ERP44: variants seen among roughly 807,000 people sequenced by gnomAD.
ERP44 encodes the protein endoplasmic reticulum resident protein 44.
Under a neutral mutation model 53.4 loss-of-function variants are expected in ERP44, and 25 were observed. The observed-to-expected ratio is 0.47, with a 90% CI of 0.34 to 0.65. ERP44 has a LOEUF of 0.65. Among genes scored for constraint, ERP44 ranks in the 30% least tolerant of loss-of-function variants. The pLI is 0.01. For synonymous variants in ERP44, 145 were observed against 161.2 expected (o/e 0.90, Z 0.76); for missense variants, 338 against 493.2 (o/e 0.69, Z 2.98).
chr9:100,093,559 A>C (rs1455677625), intron 1 of ERP44, among the ~76,000 whole-genome samples: 2 of 152,074 alleles, frequency 1.3e-5, no homozygotes, highest in Non-Finnish European at 1.5e-5. Flanking sequence ...TGGGAGCATC[A>C]CGTGACCTGG....
At chr9:100,087,269 C>T (rs1212967128) in intron 1 of ERP44, among the ~76,000 whole-genome samples, 1 of 151,998 alleles carries the variant, frequency 6.6e-6, no homozygotes, top group African/African-American at 2.4e-5. Context: ...AAGCTGATAA[C>T]TTATTCACTT....
chr9:100,036,897 T>TA (rs1263169441), intron 4 of ERP44, among the ~76,000 whole-genome samples: 3 of 151,326 alleles, frequency 2.0e-5, no homozygotes, highest in East Asian at 2.0e-4. Context: ...CTTAACAGAT[T>TA]AAAAAAAATT....
intron 2 of ERP44, among the ~76,000 whole-genome samples, chr9:100,059,894 TG>T: frequency 6.6e-6 from 1 of 152,214 alleles, no homozygotes; most frequent in East Asian, 1.9e-4. Context: ...TTGTTAAGAA[TG>T]GTATCTATAT....
chr9:100,095,736 T>C (rs1324566668), intron 1 of ERP44, among the ~76,000 whole-genome samples: 1 of 152,170 alleles, frequency 6.6e-6, no homozygotes, highest in Non-Finnish European at 1.5e-5. Flanking sequence ...ACTATTGATC[T>C]AGGGTAAGTT....
intron 11 of ERP44, among the ~76,000 whole-genome samples, chr9:99,983,958 C>T (rs565999552): frequency 2.6e-5 from 4 of 152,244 alleles, no homozygotes; most frequent in South Asian, 2.1e-4. Flanking sequence ...AATACAATAA[C>T]GGTAAATGAC....
chr9:99,987,429 T>G (rs1248833016), intron 10 of ERP44, among the ~76,000 whole-genome samples: 1 of 152,262 alleles, frequency 6.6e-6, no homozygotes, highest in South Asian at 2.1e-4. Flanking sequence ...AGTTACTTTT[T>G]TGTTTATTTA....
chr9:100,021,302 C>T (rs948526273), intron 5 of ERP44, among the ~76,000 whole-genome samples: 24 of 152,218 alleles, frequency 1.6e-4, no homozygotes, highest in Non-Finnish European at 3.5e-4. Flanking sequence ...TGTGACATAA[C>T]CCAGTGCATG....
intron 1 of ERP44, among the ~76,000 whole-genome samples, chr9:100,075,753 A>C (rs1826348465): frequency 6.6e-6 from 1 of 152,228 alleles, no homozygotes; most frequent in South Asian, 2.1e-4. Context: ...AACAGGCACA[A>C]CACCTAGTGG....
chr9:100,093,355 C>T (rs1360112512), intron 1 of ERP44, among the ~76,000 whole-genome samples: 1 of 152,198 alleles, frequency 6.6e-6, no homozygotes, highest in East Asian at 1.9e-4. Context: ...GTTAAGAACT[C>T]TGTGTGGGCT....
At chr9:100,064,707 T>C (rs979673884) in intron 1 of ERP44, among the ~76,000 whole-genome samples, 1 of 152,212 alleles carries the variant, frequency 6.6e-6, no homozygotes, top group African/African-American at 2.4e-5. Context: ...AGTGGTCCCA[T>C]AAGATTATAA....
chr9:100,013,201 T>C (rs191784420), intron 8 of ERP44, among the ~76,000 whole-genome samples: 220 of 152,266 alleles, frequency 1.4e-3, no homozygotes, highest in Non-Finnish European at 2.5e-3. Flanking sequence ...CTTAACAATA[T>C]ACATACACCT....
At chr9:100,002,197 C>T (rs908646857) in intron 10 of ERP44, among the ~76,000 whole-genome samples, 1 of 149,640 alleles carries the variant, frequency 6.7e-6, no homozygotes, top group African/African-American at 2.4e-5. Flanking sequence ...TCATAATTTA[C>T]ATCTTTTTAT....
At chr9:100,069,287 TAAAA>T (rs1176610914) in intron 1 of ERP44, among the ~76,000 whole-genome samples, 1 of 76,410 alleles carries the variant, frequency 1.3e-5, no homozygotes, top group Non-Finnish European at 3.0e-5. Context: ...GAATGATCAA[TAAAA>T]AAAAAAAAGA....
chr9:100,008,314 T>C (rs530834617), intron 8 of ERP44, among the ~76,000 whole-genome samples: 20 of 152,186 alleles, frequency 1.3e-4, no homozygotes, highest in Non-Finnish European at 2.6e-4. Context: ...TATATTTTTA[T>C]ATACCTCTTT....
chr9:100,073,763 T>G (rs906875434), intron 1 of ERP44, among the ~76,000 whole-genome samples: 3 of 152,204 alleles, frequency 2.0e-5, no homozygotes, highest in African/African-American at 7.2e-5. Flanking sequence ...AATATCCAAA[T>G]GTGTGTTATC....
At chr9:100,069,032 A>G (rs1227108130) in intron 1 of ERP44, among the ~76,000 whole-genome samples, 7 of 152,292 alleles carry the variant, frequency 4.6e-5, no homozygotes, top group African/African-American at 1.4e-4. Flanking sequence ...GTGTCCACTC[A>G]GGGTTAAATG....
At chr9:100,004,619 T>C (rs1318463792) in intron 10 of ERP44, among the ~76,000 whole-genome samples, 3 of 152,152 alleles carry the variant, frequency 2.0e-5, no homozygotes, top group Admixed American at 6.5e-5. Context: ...TTTCCCCACA[T>C]GAAGGGTATC....
At chr9:100,045,720 A>C (rs890836634) in intron 4 of ERP44, among the ~76,000 whole-genome samples, 1 of 152,282 alleles carries the variant, frequency 6.6e-6, no homozygotes, top group East Asian at 1.9e-4. Flanking sequence ...AGGACAGAGT[A>C]GGCTAACATA....
At chr9:100,084,443 C>G (rs749497751) in intron 1 of ERP44, among the ~76,000 whole-genome samples, 1 of 152,108 alleles carries the variant, frequency 6.6e-6, no homozygotes, top group South Asian at 2.1e-4. Context: ...GATTTCCAAC[C>G]AAACTTGTTT....
Sources: allele counts gnomAD v4.1 joint callset (sites outside exome capture counted in the v4.1 genomes callset), GRCh38; gene constraint gnomAD v4.1.1; transcripts MANE v1.5; gene names NCBI Gene and HGNC (gene_info 2026-07-23, HGNC 2026-07-21).